Variants in TERT observed in about 807,000 individuals in gnomAD.
TERT encodes telomerase catalytic subunit.
In TERT, 42 loss-of-function variants were observed where a neutral mutation model predicts 104.0. The ratio of observed to expected loss-of-function variants is 0.40; its 90% confidence interval spans 0.32 to 0.52. TERT has a LOEUF of 0.52. Ranked by LOEUF, TERT falls within the 20% of genes least tolerant of loss-of-function variation. The probability of loss-of-function intolerance (pLI) is 0.43; values close to 1 mark genes in which losing one functional copy is unlikely to be tolerated. For synonymous variants in TERT, 781 were observed against 725.6 expected, an observed-to-expected ratio of 1.08 and a Z score of -1.23; for missense variants, 1,101 against 1,610.3, an observed-to-expected ratio of 0.68 and a Z score of 5.41.
chr5:1,292,517 CTT>C lies in TERT; in HGVS notation c.1573+794_1573+795del, dbSNP rs570266982. ...CCTGTCCTGGCACAATCAACGAACA[CTT>C]TTTTTTTTTAAAGACAGAGTTTCAC... is the stretch of plus-strand genomic sequence containing the variant. On this transcript the variant is annotated intron_variant, in intron 2 of 15. Coordinates refer to ENST00000310581, the MANE Select transcript of TERT (RefSeq NM_198253.3). This position sits in a 1 kb window ranked among gnomAD's most constrained non-coding sequence, Gnocchi z 5.5. Among the ~76,000 whole-genome samples the C allele has an allele frequency of 8.8e-6, 1 of 113,372 alleles. No homozygotes were observed. The highest frequency in any genetic ancestry group is 1.9e-5 in the Non-Finnish European group (1 of 51,870). 74.4% of individuals were successfully genotyped at this position (113,372 alleles called of 152,430 possible).
Position 1,255,462 on chromosome 5 carries a change from G to A in TERT, c.3033-51C>T. Reference sequence around the variant, plus strand: ...AGGAAAGGCCTCCTAATCAGACGGTGCTCGTGGGTGTGGGCATGGGCCCAC... The same window carrying A: ...AGGAAAGGCCTCCTAATCAGACGGTACTCGTGGGTGTGGGCATGGGCCCAC... On this transcript the variant is annotated intron_variant, in intron 13 of 15. Coordinates refer to ENST00000310581, the MANE Select transcript of TERT (RefSeq NM_198253.3). This position sits in a 1 kb window ranked among gnomAD's most constrained non-coding sequence, Gnocchi z 6.9. 6.2e-7 allele frequency: 1 copy of A among 1,612,832 alleles called. No individual in the cohort carries two copies. The highest frequency in any genetic ancestry group is 2.2e-5 in the East Asian group (1 of 44,866).
chr5:1,282,105 G>C (rs985217126), intron 3 of TERT, among the ~76,000 whole-genome samples: 1 of 149,110 alleles, frequency 6.7e-6, no homozygotes, highest in Non-Finnish European at 1.5e-5. Context: ...AAAAAAAAAA[G>C]AGAGAGAGAA....
chr5:1,253,621 A>T lies in TERT; in HGVS notation c.*107T>A. Reference sequence around the variant, plus strand: ...ACACTCACTCAGGCCTCAGACTCCCAGCGGTGCGGGCCTGGGTGTGGGCCG... The same window carrying T: ...ACACTCACTCAGGCCTCAGACTCCCTGCGGTGCGGGCCTGGGTGTGGGCCG... On this transcript the variant is annotated 3_prime_UTR_variant, in exon 16 of 16. Transcript: ENST00000310581. 1.1e-6 allele frequency: 1 copy of T among 926,894 alleles called. No homozygotes were observed. The highest frequency in any genetic ancestry group is 1.7e-6 in the Non-Finnish European group (1 of 589,746). 57.4% of individuals were successfully genotyped at this position (926,894 alleles called of 1,614,324 possible). A position where few individuals can be genotyped will look rare whatever the true frequency, so the allele number is the denominator to read the frequency against.
rs1060503011 is a variant in TERT, at chr5:1,279,410, G to A, written c.2011C>T (p.Arg671Trp). ...LFSVLNYERA[R>W]RPGLLGASVL... ...GAGGCGCCCAGGAGGCCGGGGCGCC[G>A]CGCCCGCTCGTAGTTGAGCACGCTG... Residue 671 changes from arginine (R) to tryptophan (W), a missense_variant, in exon 5 of 16, where the codon CGG (arginine) becomes TGG (tryptophan). Transcript: ENST00000310581. The A allele has an allele frequency of 5.2e-6, 8 of 1,552,250 alleles. No individual in the cohort carries two copies. Among genetic ancestry groups the A allele is most frequent in the African/African-American group, 2.7e-5 (2 of 73,182 alleles).
intron 14 of TERT, 122 bp from the exon 15 acceptor site, chr5:1,254,627 A>C: frequency 8.7e-7 from 1 of 1,148,234 alleles, no homozygotes; most frequent in Non-Finnish European, 1.2e-6. Context: ...GTCCCGACCC[A>C]AGCACCGCAG....
intron 9 of TERT, among the ~76,000 whole-genome samples, chr5:1,267,599 G>C (rs1748702715): frequency 6.6e-6 from 1 of 152,222 alleles, no homozygotes; most frequent in Admixed American, 6.5e-5. Flanking sequence ...GTCCATCGAT[G>C]ATAGACTGGA....
chr5:1,275,167 G>A (rs1749464270), intron 6 of TERT, among the ~76,000 whole-genome samples: 1 of 152,158 alleles, frequency 6.6e-6, no homozygotes, highest in Non-Finnish European at 1.5e-5. Context: ...CTGAGGTCAG[G>A]AGTTCGAGAC....
At chr5:1,272,511 C>A (rs1749126034) in intron 6 of TERT, among the ~76,000 whole-genome samples, 1 of 151,250 alleles carries the variant, frequency 6.6e-6, no homozygotes, top group South Asian at 2.1e-4. Context: ...CACATCAGAC[C>A]CCTGTGACCG....
At position 1,294,132 on chromosome 5, in the gene TERT, C is replaced by G; in HGVS notation, c.754G>C (p.Gly252Arg). ...CCCGGGTGGGCCCAGGACCCCTGCC[C>G]AACGGGCGTCCGCTCCGGCTCAGGG... ...AAPEPERTPV[G>R]QGSWAHPGRT... The change falls in exon 2 of 16, where the codon GGG becomes CGG. Residue 252 changes from glycine (G) to arginine (R), a missense_variant. This residue lies in a region of TERT where 504 missense variants were observed against 544.6 expected (regional missense o/e 0.93). Transcript: ENST00000310581. The G allele has an allele frequency of 6.3e-7, 1 of 1,582,256 alleles. No homozygotes were observed. The highest frequency in any genetic ancestry group is 8.6e-7 in the Non-Finnish European group (1 of 1,166,654).
chr5:1,293,018 G>C (rs566780818), intron 2 of TERT, among the ~76,000 whole-genome samples: 6 of 152,156 alleles, frequency 3.9e-5, no homozygotes, highest in Non-Finnish European at 7.3e-5. Context: ...CCCCATTGCC[G>C]GCAACCCGGC....
intron 12 of TERT, among the ~76,000 whole-genome samples, chr5:1,259,380 G>GGA (rs1331277220): frequency 7.5e-6 from 1 of 133,036 alleles, no homozygotes; most frequent in Non-Finnish European, 1.6e-5. Flanking sequence ...GATGCCCACA[G>GGA]GAGAGGGAGT....
rs1364970590 is a variant in TERT at position 1,274,567 on chromosome 5, C to T, written c.2287-2287G>A. 6.6e-6 allele frequency among the ~76,000 whole-genome samples: 1 copy of T among 152,194 alleles called. No homozygotes were observed. Among genetic ancestry groups the T allele is most frequent in the African/African-American group, 2.4e-5 (1 of 41,434 alleles). On this transcript the variant is annotated intron_variant, in intron 6 of 15. Transcript: ENST00000310581. This position sits in a 1 kb window ranked among gnomAD's most constrained non-coding sequence, Gnocchi z 5.3. ...AGGCATTAGATTCCCATAAGGAGCACAGAATCTAGACCCCTCTCACGCACA... is the reference window on the plus strand; with the variant it reads ...AGGCATTAGATTCCCATAAGGAGCATAGAATCTAGACCCCTCTCACGCACA...
intron 6 of TERT, 151 bp downstream of exon 6, chr5:1,278,490 G>T: frequency 8.7e-7 from 1 of 1,146,468 alleles, no homozygotes; most frequent in Non-Finnish European, 1.3e-6. Flanking sequence ...CATGCACCAC[G>T]ACACACACGT....
rs530318708 is a variant in TERT, at chr5:1,255,712, C to T, written c.3033-301G>A. 6.8e-4 allele frequency among the ~76,000 whole-genome samples: 104 copies of T among 152,346 alleles called. No homozygotes were observed. Among genetic ancestry groups the T allele is most frequent in the African/African-American group, 2.3e-3 (96 of 41,582 alleles). ...GGATGCCAGCCCCCCATGCTGGCTT[C>T]TGATTAGCCCCTGTTCCGGGAAGGC... On this transcript the variant is annotated intron_variant, in intron 13 of 15. Transcript: ENST00000310581. This position sits in a 1 kb window ranked among gnomAD's most constrained non-coding sequence, Gnocchi z 6.9.
Position 1,279,282 on chromosome 5 carries a change from G to A in TERT, c.2130+9C>T, listed in dbSNP as rs769050926. 20 of 1,568,820 alleles carry A rather than the reference G, an allele frequency of 1.3e-5. No homozygotes were observed. The highest frequency in any genetic ancestry group is 7.5e-5 in the Admixed American group (4 of 53,546). ...AGCAGGGCTGCTCACGGGGGTCCCC[G>A]GCACCCACCTTGACAAAGTACAGCT... On this transcript the variant is annotated intron_variant, in intron 5 of 15. Coordinates refer to ENST00000310581, the MANE Select transcript of TERT (RefSeq NM_198253.3).
At position 1,253,527 on chromosome 5, in the gene TERT, T is replaced by C; in HGVS notation, c.*201A>G. 1.6e-6 allele frequency: 1 copy of C among 614,356 alleles called. No individual in the cohort carries two copies. Among genetic ancestry groups the C allele is most frequent in the South Asian group, 1.9e-5 (1 of 52,316 alleles). The allele number at this position is 614,356 out of a possible 1,614,324, so 38.1% of individuals were successfully genotyped here. ...GGCAGGTGTGCTGGACACTCAGCCCTTGGCTGGACACTCGCTCAGGCCTCA... is the reference window on the plus strand; with the variant it reads ...GGCAGGTGTGCTGGACACTCAGCCCCTGGCTGGACACTCGCTCAGGCCTCA... On this transcript the variant is annotated 3_prime_UTR_variant, in exon 16 of 16. Transcript: ENST00000310581.
intron 12 of TERT, among the ~76,000 whole-genome samples, chr5:1,260,241 T>C (rs1279399211): frequency 1.3e-5 from 2 of 152,218 alleles, no homozygotes; most frequent in Admixed American, 1.3e-4. Flanking sequence ...GCATGTCAGG[T>C]GTGCATTCGC....
Position 1,253,672 on chromosome 5 carries a change from C to A in TERT, c.*56G>T, listed in dbSNP as rs1259390688. The A allele has an allele frequency of 6.7e-7, 1 of 1,488,420 alleles. No homozygotes were observed. Among genetic ancestry groups the A allele is most frequent in the Non-Finnish European group, 9.2e-7 (1 of 1,081,606 alleles). The allele number at this position is 1,488,420 out of a possible 1,614,324, so 92.2% of individuals were successfully genotyped here. ...CCCCTCCCTCCCTGGGACGTAGAGC[C>A]CGGCGTGACAGGGCTGCTGGTGTCT... On this transcript the variant is annotated 3_prime_UTR_variant, in exon 16 of 16. Coordinates refer to ENST00000310581, the MANE Select transcript of TERT (RefSeq NM_198253.3).
intron 15 of TERT, 33 bp downstream of exon 15, chr5:1,254,335 G>A: frequency 6.2e-7 from 1 of 1,612,732 alleles, no homozygotes; most frequent in Non-Finnish European, 8.5e-7. Context: ...CCCTGGGCAG[G>A]TGGGGCCCGC....
Sources: gnomAD v4.1 joint callset for allele counts (sites outside exome capture counted in the v4.1 genomes callset) on GRCh38, gnomAD v4.1.1 for gene constraint, gnomAD v4.1.1 regional missense constraint, Gnocchi (gnomAD v3.1) non-coding constraint, MANE v1.5 for transcripts, NCBI Gene and HGNC (gene_info 2026-07-23, HGNC 2026-07-21) for gene names.